PSMA1: variants seen among roughly 807,000 people sequenced by gnomAD.
The protein encoded by PSMA1 is proteasome 20S subunit alpha 1.
In PSMA1, 3 loss-of-function variants were observed where a neutral mutation model predicts 38.4. That is an observed-to-expected ratio of 0.08 (90% CI 0.04 to 0.20). PSMA1 has a LOEUF of 0.20. Among genes scored for constraint, PSMA1 ranks in the 10% least tolerant of loss-of-function variants. PSMA1 has a pLI of 1.00. For missense variants in PSMA1, 227 were observed against 325.3 expected (o/e 0.70, Z 2.32); for synonymous variants, 101 against 107.1 (o/e 0.94, Z 0.35).
chr11:14,507,163 T>C (rs1359175407), intron 9 of PSMA1, among the ~76,000 whole-genome samples: 2 of 151,896 alleles, frequency 1.3e-5, no homozygotes, highest in African/African-American at 4.8e-5. Context: ...CACTTCTCCC[T>C]TTTTGTGTTT....
chr11:14,639,939 C>CA (rs2133728193), intron 1 of PSMA1, among the ~76,000 whole-genome samples: 1 of 152,278 alleles, frequency 6.6e-6, no homozygotes, highest in Non-Finnish European at 1.5e-5. Context: ...ACCTCTGTAT[C>CA]ACAGCTCCTG....
At chr11:14,573,205 AC>A (rs1852168148) in intron 2 of PSMA1, among the ~76,000 whole-genome samples, 1 of 152,208 alleles carries the variant, frequency 6.6e-6, no homozygotes, top group Non-Finnish European at 1.5e-5. Flanking sequence ...CAGAGACACA[AC>A]AAAAAAAGAG....
At chr11:14,519,330 T>C (rs1002492240) in intron 1 of PSMA1, 4 of 452,702 alleles carry the variant, frequency 8.8e-6, no homozygotes, top group South Asian at 3.5e-5. Context: ...CACAATCAAC[T>C]TTCTTGCCTA....
At chr11:14,593,329 A>T (rs1852444284) in intron 2 of PSMA1, among the ~76,000 whole-genome samples, 1 of 152,238 alleles carries the variant, frequency 6.6e-6, no homozygotes, top group Non-Finnish European at 1.5e-5. Flanking sequence ...GAAAGCATCT[A>T]CAACGCTGCC....
At chr11:14,526,160 A>G (rs906026546) in intron 2 of PSMA1, among the ~76,000 whole-genome samples, 1 of 152,142 alleles carries the variant, frequency 6.6e-6, no homozygotes, top group African/African-American at 2.4e-5. Context: ...CCTTCCAGGC[A>G]TGGTTGGATA....
chr11:14,562,228 A>T (rs1433045827), intron 2 of PSMA1, among the ~76,000 whole-genome samples: 1 of 152,214 alleles, frequency 6.6e-6, no homozygotes, highest in Non-Finnish European at 1.5e-5. Context: ...AGATATGAAG[A>T]GAGTTGCCAT....
At position 14,517,862 on chromosome 11, in the gene PSMA1, A is replaced by G; in HGVS notation, c.150+18T>C. On this transcript the variant is annotated intron_variant, in intron 3 of 9. Transcript: ENST00000396394. ...CATTGTTTTCTACAGAGGAAGACAT[A>G]TTTATTACTGTACTTACTTTCAATG... The G allele has an allele frequency of 6.4e-7, 1 of 1,573,296 alleles. No individual in the cohort carries two copies.
intron 2 of PSMA1, among the ~76,000 whole-genome samples, chr11:14,542,487 C>T (rs1851783462): frequency 6.6e-6 from 1 of 152,194 alleles, no homozygotes; most frequent in Non-Finnish European, 1.5e-5. Flanking sequence ...GAAAATGTTT[C>T]CTTCCCCTAT....
intron 1 of PSMA1, among the ~76,000 whole-genome samples, chr11:14,629,662 G>A (rs1468984124): frequency 6.6e-6 from 1 of 152,112 alleles, no homozygotes; most frequent in South Asian, 2.1e-4. Context: ...CTCTTTTTTG[G>A]TTCCGTATGA....
At chr11:14,549,574 C>T (rs1311895955) in intron 2 of PSMA1, among the ~76,000 whole-genome samples, 4 of 151,678 alleles carry the variant, frequency 2.6e-5, no homozygotes, top group African/African-American at 7.3e-5. Flanking sequence ...GGTGGCGGGC[C>T]CCTGTAGTCC....
intron 6 of PSMA1, 45 bp from the exon 7 acceptor site, chr11:14,513,744 G>T: frequency 6.5e-7 from 1 of 1,542,460 alleles, no homozygotes; most frequent in South Asian, 1.3e-5. Flanking sequence ...TACTTTGGTT[G>T]AACTAAAAAT....
intron 1 of PSMA1, among the ~76,000 whole-genome samples, chr11:14,622,907 C>T (rs1852866500): frequency 1.3e-5 from 2 of 152,154 alleles, no homozygotes; most frequent in South Asian, 4.1e-4. Context: ...TGGGGCAAGG[C>T]TATGCCATTT....
At chr11:14,539,704 C>G (rs937305242) in intron 2 of PSMA1, among the ~76,000 whole-genome samples, 14 of 151,990 alleles carry the variant, frequency 9.2e-5, no homozygotes, top group Non-Finnish European at 1.9e-4. Context: ...ACAGAATTAG[C>G]CGGGCGTGGT....
chr11:14,576,513 C>T (rs992896565), intron 2 of PSMA1, among the ~76,000 whole-genome samples: 103 of 152,134 alleles, frequency 6.8e-4, no homozygotes, highest in Non-Finnish European at 2.2e-4. Flanking sequence ...GCCAGTTTTC[C>T]CAGCACCATG....
intron 1 of PSMA1, among the ~76,000 whole-genome samples, chr11:14,635,413 G>T (rs187630018): frequency 6.6e-6 from 1 of 152,332 alleles, no homozygotes; most frequent in Admixed American, 6.5e-5. Flanking sequence ...ACTGGGAACA[G>T]TCCAAGCATA....
intron 2 of PSMA1, among the ~76,000 whole-genome samples, chr11:14,591,844 C>G (rs1383647812): frequency 6.6e-6 from 1 of 152,140 alleles, no homozygotes; most frequent in Non-Finnish European, 1.5e-5. Context: ...GCTGCCCCAG[C>G]CAGCAGTGGC....
chr11:14,517,617 G>A (rs1413307099), intron 4 of PSMA1, 25 bp downstream of exon 4: 1 of 1,469,096 alleles, frequency 6.8e-7, no homozygotes, highest in Admixed American at 2.3e-5. Flanking sequence ...CAAAAAGGAT[G>A]TTTATTTTTC....
chr11:14,600,514 G>A (rs1053351454), intron 2 of PSMA1, among the ~76,000 whole-genome samples: 24 of 152,176 alleles, frequency 1.6e-4, no homozygotes, highest in African/African-American at 5.8e-4. Flanking sequence ...TGAGCTAGCA[G>A]TGAGCAAGGC....
At position 14,598,047 on chromosome 11, in the gene PSMA1, A is replaced by C. The variant is rs188606378; in HGVS notation, c.21+12919T>G. The stretch of plus-strand genomic sequence containing the variant: ...GGAGCAAGTTGTTCAGTTTCCATGT[A>C]GTTGTGTGGTTTTTAGTCATTTTCT... On this transcript the variant is annotated intron_variant, in intron 2 of 10. Transcript: ENST00000418988. Among the ~76,000 whole-genome samples the C allele has an allele frequency of 9.9e-5, 15 of 152,212 alleles. 1 individual carries two copies. In the East Asian group the frequency reaches 2.7e-3, roughly 27 times the overall value.
Sources: allele counts gnomAD v4.1 joint callset (sites outside exome capture counted in the v4.1 genomes callset), GRCh38; gene constraint gnomAD v4.1.1; transcripts MANE v1.5; gene names NCBI Gene and HGNC (gene_info 2026-07-23, HGNC 2026-07-21).